Variants in OPCML observed in about 807,000 individuals in gnomAD.
OPCML encodes opioid binding protein/cell adhesion molecule like.
OPCML carries 13 observed loss-of-function variants against 37.8 expected under a neutral mutation model. The ratio of observed to expected loss-of-function variants is 0.34; its 90% CI spans 0.22 to 0.55. The LOEUF is 0.55. Ranked by LOEUF, OPCML falls within the 20% of genes least tolerant of loss-of-function variation. The pLI is 0.91. For synonymous variants in OPCML, 176 were observed against 168.8 expected, an observed-to-expected ratio of 1.04 and a Z score of -0.33; for missense variants, 341 against 435.6, an observed-to-expected ratio of 0.78 and a Z score of 1.93.
intron 4 of OPCML, among the ~76,000 whole-genome samples, chr11:132,488,669 C>A (rs774918886): frequency 8.5e-5 from 13 of 152,140 alleles, no homozygotes; most frequent in Non-Finnish European, 1.8e-4. Flanking sequence ...TAAATTTTTT[C>A]TTTAGTCATA....
intron 1 of OPCML, among the ~76,000 whole-genome samples, chr11:133,481,404 A>G (rs1452865921): frequency 1.3e-5 from 2 of 152,076 alleles, no homozygotes; most frequent in Admixed American, 6.6e-5. Context: ...TTAGAGCCCA[A>G]GTCTCTGCCA....
intron 1 of OPCML, among the ~76,000 whole-genome samples, chr11:133,191,256 A>G (rs1259179915): frequency 6.6e-6 from 1 of 151,770 alleles, no homozygotes; most frequent in African/African-American, 2.4e-5. Flanking sequence ...GTGCTTATTG[A>G]CTATCTGTGT....
intron 2 of OPCML, among the ~76,000 whole-genome samples, chr11:132,850,037 A>G (rs968617672): frequency 6.6e-6 from 1 of 152,226 alleles, no homozygotes; most frequent in African/African-American, 2.4e-5. Context: ...CCTGAGAGTA[A>G]GGATGGGAAA....
intron 2 of OPCML, among the ~76,000 whole-genome samples, chr11:132,867,585 C>T (rs1942623641): frequency 6.6e-6 from 1 of 152,140 alleles, no homozygotes; most frequent in South Asian, 2.1e-4. Flanking sequence ...TAGAGCACAC[C>T]AGTGAATCTG....
chr11:132,697,997 T>A (rs904935955), intron 2 of OPCML, among the ~76,000 whole-genome samples: 4 of 146,628 alleles, frequency 2.7e-5, no homozygotes, highest in Non-Finnish European at 4.5e-5. Context: ...TTTATTTATT[T>A]ATTTATTTAT....
At chr11:132,760,330 T>C (rs573245365) in intron 2 of OPCML, among the ~76,000 whole-genome samples, 27 of 152,298 alleles carry the variant, frequency 1.8e-4, no homozygotes, top group African/African-American at 6.5e-4. Context: ...AGTCCAGAGC[T>C]GAGTTCAAGT....
chr11:132,755,565 A>G (rs1946010123), intron 2 of OPCML, among the ~76,000 whole-genome samples: 1 of 152,214 alleles, frequency 6.6e-6, no homozygotes, highest in Admixed American at 6.5e-5. Context: ...TGTTTTACCT[A>G]TAAAATTATG....
intron 1 of OPCML, among the ~76,000 whole-genome samples, chr11:133,131,140 T>A (rs754660947): frequency 1.3e-5 from 2 of 152,148 alleles, no homozygotes; most frequent in Admixed American, 6.5e-5. Flanking sequence ...GATGGCTGTC[T>A]GTGAACCAGG....
intron 1 of OPCML, among the ~76,000 whole-genome samples, chr11:133,340,321 C>T (rs951896087): frequency 5.9e-5 from 9 of 152,198 alleles, no homozygotes; most frequent in Non-Finnish European, 1.5e-5. Context: ...ATTAGAAATG[C>T]ACTTCCCAGT....
intron 1 of OPCML, among the ~76,000 whole-genome samples, chr11:133,347,408 T>A (rs550334679): frequency 6.6e-6 from 1 of 152,152 alleles, no homozygotes; most frequent in Non-Finnish European, 1.5e-5. Flanking sequence ...CATAGAAAGA[T>A]TGCAAGCCAG....
At chr11:132,980,454 A>T (rs1330373950) in intron 1 of OPCML, among the ~76,000 whole-genome samples, 2 of 152,236 alleles carry the variant, frequency 1.3e-5, no homozygotes, top group Non-Finnish European at 2.9e-5. Flanking sequence ...TAGAACTAAA[A>T]TAGGAAGTGG....
intron 2 of OPCML, among the ~76,000 whole-genome samples, chr11:132,729,721 C>T (rs1188112470): frequency 4.6e-5 from 7 of 152,196 alleles, no homozygotes; most frequent in African/African-American, 1.4e-4. Context: ...CATTCAAATG[C>T]CTTCTGCAGG....
At chr11:133,424,594 T>C (rs1389208393) in intron 1 of OPCML, among the ~76,000 whole-genome samples, 1 of 152,202 alleles carries the variant, frequency 6.6e-6, no homozygotes, top group Non-Finnish European at 1.5e-5. Flanking sequence ...GGCTAAATCA[T>C]AATTTATTTT....
chr11:133,291,810 T>C (rs918080536), intron 1 of OPCML, among the ~76,000 whole-genome samples: 9 of 152,278 alleles, frequency 5.9e-5, no homozygotes, highest in Non-Finnish European at 8.8e-5. Context: ...TCTAAAATCT[T>C]CACAAAAAAG....
At chr11:132,907,330 T>A (rs1446900903) in intron 2 of OPCML, among the ~76,000 whole-genome samples, 1 of 152,090 alleles carries the variant, frequency 6.6e-6, no homozygotes. Context: ...ATGCTTTTCC[T>A]CCTCCATTTG....
At chr11:132,521,461 T>A (rs951012479) in intron 4 of OPCML, among the ~76,000 whole-genome samples, 1 of 152,092 alleles carries the variant, frequency 6.6e-6, no homozygotes, top group African/African-American at 2.4e-5. Flanking sequence ...TATGCAGCCA[T>A]AAAAAAGAAT....
At chr11:133,507,947 A>C (rs1948070538) in intron 1 of OPCML, among the ~76,000 whole-genome samples, 2 of 110,164 alleles carry the variant, frequency 1.8e-5, no homozygotes, top group Non-Finnish European at 3.4e-5. Flanking sequence ...AGTATGTCTC[A>C]AAAAAAAAAA....
intron 1 of OPCML, among the ~76,000 whole-genome samples, chr11:133,359,283 CTG>C (rs1392801710): frequency 6.6e-6 from 1 of 152,194 alleles, no homozygotes; most frequent in Non-Finnish European, 1.5e-5. Context: ...ATGTCTATGT[CTG>C]TGGCTGCTGA....
At chr11:132,624,434 A>G (rs1196112613) in intron 3 of OPCML, among the ~76,000 whole-genome samples, 2 of 151,994 alleles carry the variant, frequency 1.3e-5, no homozygotes, top group African/African-American at 4.8e-5. Context: ...TTGTAGAAAT[A>G]CTCTTTTCTT....
Sources: allele counts gnomAD v4.1 joint callset (sites outside exome capture counted in the v4.1 genomes callset), GRCh38; gene constraint gnomAD v4.1.1; transcripts MANE v1.5; gene names NCBI Gene and HGNC (gene_info 2026-07-23, HGNC 2026-07-21).